KATNIP: variants seen among roughly 807,000 people sequenced by gnomAD.
KATNIP encodes the protein katanin interacting protein, also known as katanin-interacting protein.
Under a neutral mutation model 174.0 loss-of-function variants are expected in KATNIP, and 126 were observed. The observed-to-expected ratio is 0.72, with a 90% CI of 0.63 to 0.84. The LOEUF (loss-of-function observed/expected upper bound fraction) is 0.84, where lower values mean the gene tolerates loss of function less well. Among genes scored for constraint, KATNIP ranks in the 40% least tolerant of loss-of-function variants. KATNIP has a pLI of 0.00. For missense variants in KATNIP, 1,958 were observed against 2,109.7 expected (o/e 0.93, Z 1.41); for synonymous variants, 810 against 835.7 (o/e 0.97, Z 0.53).
At chr16:27,566,550 T>G in intron 1 of KATNIP, among the ~76,000 whole-genome samples, 2 of 149,440 alleles carry the variant, frequency 1.3e-5, no homozygotes. Context: ...AAAAAGGAAG[T>G]TGAAATGGGG....
chr16:27,681,088 T>C (rs2078320223), intron 7 of KATNIP: 1 of 315,630 alleles, frequency 3.2e-6, no homozygotes, highest in Non-Finnish European at 6.2e-6. Context: ...CACCACAGCC[T>C]CCCAAAGCAC....
intron 5 of KATNIP, among the ~76,000 whole-genome samples, chr16:27,633,120 A>G (rs1237007233): frequency 6.6e-6 from 1 of 152,124 alleles, no homozygotes; most frequent in African/African-American, 2.4e-5. Context: ...AGGGGATATA[A>G]TGAGGCATGT....
intron 12 of KATNIP, 75 bp downstream of exon 12, chr16:27,704,073 A>G: frequency 1.7e-6 from 2 of 1,185,732 alleles, no homozygotes; most frequent in African/African-American, 1.5e-5. Flanking sequence ...ATCAGTGAGG[A>G]TTGCTCTGAC....
At chr16:27,721,525 C>T in intron 13 of KATNIP, 33 bp from the exon 14 acceptor site, 1 of 1,613,628 alleles carries the variant, frequency 6.2e-7, no homozygotes, top group East Asian at 2.2e-5. Context: ...CAGAAATGTG[C>T]CTAATGATTT....
intron 2 of KATNIP, among the ~76,000 whole-genome samples, chr16:27,604,260 A>G (rs548397254): frequency 2.7e-4 from 41 of 152,144 alleles, no homozygotes; most frequent in African/African-American, 8.4e-4. Context: ...CATCATGCCT[A>G]GCTACTTTTA....
Position 27,740,578 on chromosome 16 carries a change from G to A in KATNIP, c.2281G>A (p.Gly761Ser), listed in dbSNP as rs757254633. 39 of 1,614,052 alleles carry A rather than the reference G, an allele frequency of 2.4e-5. No individual in the cohort carries two copies. The highest frequency in any genetic ancestry group is 1.8e-4 in the East Asian group (8 of 44,892). Residue 761 changes from glycine (G) to serine (S), a missense_variant, in exon 15 of 28, where the codon GGC (glycine) becomes AGC (serine). This residue lies in a region of KATNIP where 1,557 missense variants were observed against 1,617.8 expected (regional missense o/e 0.96). Coordinates refer to ENST00000261588, the MANE Select transcript of KATNIP (RefSeq NM_015202.5). ...TPSWLQPSPTGKDRKQGGRKP... is the reference protein window; with the variant it reads ...TPSWLQPSPTSKDRKQGGRKP... ...ATCCTGGTTACAACCTTCTCCCACC[G>A]GCAAGGACAGGAAGCAGGGAGGCAG...
chr16:27,729,218 C>G (rs1430004808), intron 14 of KATNIP, among the ~76,000 whole-genome samples: 1 of 152,212 alleles, frequency 6.6e-6, no homozygotes, highest in Non-Finnish European at 1.5e-5. Flanking sequence ...GAATCTGCCT[C>G]CCTCCATCAC....
intron 14 of KATNIP, among the ~76,000 whole-genome samples, chr16:27,724,695 A>G (rs1232528177): frequency 6.6e-6 from 1 of 152,234 alleles, no homozygotes; most frequent in Non-Finnish European, 1.5e-5. Context: ...GAAAAGCGCA[A>G]ACAAATGCAG....
intron 6 of KATNIP, among the ~76,000 whole-genome samples, chr16:27,674,425 A>T (rs139046917): frequency 6.6e-6 from 1 of 152,380 alleles, no homozygotes; most frequent in African/African-American, 2.4e-5. Context: ...GAGGCTCGAG[A>T]GGAAAGCTCA....
At chr16:27,661,929 T>TAC (rs1420462024) in intron 6 of KATNIP, among the ~76,000 whole-genome samples, 13 of 57,572 alleles carry the variant, frequency 2.3e-4, no homozygotes, top group African/African-American at 7.5e-4. Flanking sequence ...TATATATATA[T>TAC]ATATATATAT....
Position 27,681,455 on chromosome 16 carries a change from G to A in KATNIP, c.865G>A (p.Val289Ile), listed in dbSNP as rs751852302. Residue 289 changes from valine (V) to isoleucine (I), a missense_variant, in exon 8 of 28, where the codon GTT becomes ATT. Around this residue, in one of 3 missense-constraint regions of KATNIP, gnomAD observed 1,557 missense variants for 1,617.8 expected, o/e 0.96. Coordinates refer to ENST00000261588, the MANE Select transcript of KATNIP (RefSeq NM_015202.5). ...GCGGAAGGACAATGCTGAGGTTTTC[G>A]TTCCCACCAAACCTGAGCCAAACCT... ...AKRKDNAEVF[V>I]PTKPEPNLTP... is the part of the protein sequence containing the mutation. 2.1e-5 allele frequency: 34 copies of A among 1,614,036 alleles called. No homozygotes were observed. Among genetic ancestry groups the A allele is most frequent in the Non-Finnish European group, 2.4e-5 (28 of 1,180,014 alleles).
chr16:27,745,799 G>C (rs536304759), intron 15 of KATNIP, among the ~76,000 whole-genome samples: 2 of 152,174 alleles, frequency 1.3e-5, no homozygotes, highest in South Asian at 4.2e-4. Flanking sequence ...TCTGATGTCT[G>C]TGCAGATTGT....
chr16:27,602,038 G>A (rs1402464797), intron 2 of KATNIP, among the ~76,000 whole-genome samples: 1 of 152,192 alleles, frequency 6.6e-6, no homozygotes, highest in East Asian at 1.9e-4. Context: ...GCTCTGACAG[G>A]TAAAAGTGGC....
chr16:27,699,411 G>A, intron 9 of KATNIP, 123 bp from the exon 10 acceptor site: 1 of 1,484,610 alleles, frequency 6.7e-7, no homozygotes, highest in Non-Finnish European at 9.0e-7. Flanking sequence ...CCTTGCCCCT[G>A]AACTTTATAT....
chr16:27,704,067 G>A, intron 12 of KATNIP, 69 bp downstream of exon 12: 1 of 1,239,608 alleles, frequency 8.1e-7, no homozygotes, highest in Non-Finnish European at 1.2e-6. Context: ...TTTCGCATCA[G>A]TGAGGATTGC....
intron 6 of KATNIP, among the ~76,000 whole-genome samples, chr16:27,663,152 C>CTTTTTTTTTTTTTTTT (rs11440523): frequency 5.0e-5 from 4 of 80,044 alleles, no homozygotes; most frequent in African/African-American, 9.7e-5. Flanking sequence ...TTTTCTTCTT[C>CTTTTTTTTTTTTTTTT]TTTTTTTTTT....
rs1393158842 is a variant in KATNIP at position 27,575,115 on chromosome 16, G to T, written c.63+1159G>T. ...GCTACAGTACAATAGTTACAATACAGTGTGAGAAGTGCTATCACAGAAGGA... is the reference window on the plus strand; with the variant it reads ...GCTACAGTACAATAGTTACAATACATTGTGAGAAGTGCTATCACAGAAGGA... On this transcript the variant is annotated intron_variant, in intron 2 of 27. Coordinates refer to ENST00000261588, the MANE Select transcript of KATNIP (RefSeq NM_015202.5). 2.0e-5 allele frequency among the ~76,000 whole-genome samples: 3 copies of T among 152,342 alleles called. No homozygotes were observed. The East Asian group carries it at 5.8e-4, about 29-fold the overall frequency.
At chr16:27,667,301 T>C (rs1390108921) in intron 6 of KATNIP, among the ~76,000 whole-genome samples, 1 of 148,346 alleles carries the variant, frequency 6.7e-6, no homozygotes. Flanking sequence ...GGTGATAGAG[T>C]GAGACCCTGT....
chr16:27,632,242 C>T (rs948119268), intron 5 of KATNIP, among the ~76,000 whole-genome samples: 2 of 152,200 alleles, frequency 1.3e-5, no homozygotes, highest in African/African-American at 4.8e-5. Context: ...CTTTATTTCT[C>T]AGAAAGGGTG....
Sources: gnomAD v4.1 joint callset for allele counts (sites outside exome capture counted in the v4.1 genomes callset) on GRCh38, gnomAD v4.1.1 for gene constraint, gnomAD v4.1.1 regional missense constraint, MANE v1.5 for transcripts, NCBI Gene and HGNC (gene_info 2026-07-23, HGNC 2026-07-21) for gene names.